The following TPD52L1 variants were observed in gnomAD, a reference collection of about 807,000 sequenced individuals.
TPD52L1 encodes TPD52 like 1.
A neutral mutation model predicts 28.7 loss-of-function variants in TPD52L1; 18 were observed. That is an observed-to-expected ratio of 0.63 (90% CI 0.43 to 0.93). TPD52L1 has a LOEUF of 0.93. Among genes scored for constraint, TPD52L1 ranks in the 40% least tolerant of loss-of-function variants. TPD52L1 has a pLI of 0.00. For missense variants in TPD52L1, 203 were observed against 254.8 expected (o/e 0.80, Z 1.39); for synonymous variants, 75 against 88.8 (o/e 0.84, Z 0.88).
At chr6:125,162,180 C>G (rs1427266355) in intron 1 of TPD52L1, among the ~76,000 whole-genome samples, 3 of 151,960 alleles carry the variant, frequency 2.0e-5, no homozygotes, top group African/African-American at 7.3e-5. Flanking sequence ...GTTTTGTTTC[C>G]TGTTTAAGTA....
chr6:125,228,696 G>T (rs934901712), intron 2 of TPD52L1, among the ~76,000 whole-genome samples: 6 of 152,040 alleles, frequency 3.9e-5, no homozygotes, highest in African/African-American at 1.4e-4. Context: ...TAAATAAAGT[G>T]GCACTTGAGA....
chr6:125,248,310 C>T lies in TPD52L1; in HGVS notation c.313C>T (p.His105Tyr). The change falls in exon 4 of 7, where the codon CAC (histidine) becomes TAC (tyrosine). Residue 105 changes from histidine (H) to tyrosine (Y), a missense_variant. Coordinates refer to ENST00000534000, the MANE Select transcript of TPD52L1 (RefSeq NM_003287.4). ...CAAGAAAACACATGAAACCCTGAGT[C>T]ACGCAGGGCAAAAGGCAACTGCAGC... ...AYKKTHETLS[H>Y]AGQKATAAFS... 1 of 1,614,068 alleles carries T rather than the reference C, an allele frequency of 6.2e-7. No homozygotes were observed. Among genetic ancestry groups the T allele is most frequent in the Non-Finnish European group, 8.5e-7 (1 of 1,179,966 alleles).
At position 125,156,711 on chromosome 6, in the gene TPD52L1, G is replaced by A. The variant is rs527937621; in HGVS notation, c.19+2741G>A. ...CTGAGCCCAGCAGGTGGAGGCAGCCGTGAGCTGTGATTACATCACTGCACC... is the reference window on the plus strand; with the variant it reads ...CTGAGCCCAGCAGGTGGAGGCAGCCATGAGCTGTGATTACATCACTGCACC... On this transcript the variant is annotated intron_variant, in intron 1 of 6. Transcript: ENST00000534000. Among the ~76,000 whole-genome samples, 383 of 152,234 alleles carry A rather than the reference G, an allele frequency of 2.5e-3. 3 individuals are homozygous for A. Among genetic ancestry groups the A allele is most frequent in the Non-Finnish European group, 4.8e-3 (326 of 68,008 alleles).
rs139805319 is a variant in TPD52L1 at position 125,201,964 on chromosome 6, A to G, written c.20-18114A>G. On this transcript the variant is annotated intron_variant, in intron 1 of 6. Coordinates refer to ENST00000534000, the MANE Select transcript of TPD52L1 (RefSeq NM_003287.4). ...AGATTTGATAAGAGACATTGAAGAA[A>G]TGTGAATGTTACTGAACCGATTTGC... Among the ~76,000 whole-genome samples the G allele has an allele frequency of 2.0e-5, 3 of 152,330 alleles. No individual in the cohort carries two copies. In the East Asian group the frequency reaches 5.8e-4, roughly 29 times the overall value.
chr6:125,220,020 G>C (rs1795129956), intron 1 of TPD52L1, 58 bp from the exon 2 acceptor site: 1 of 1,225,984 alleles, frequency 8.2e-7, no homozygotes, highest in East Asian at 2.3e-5. Flanking sequence ...TATGGAAGCA[G>C]AAGTTGGTTT....
At chr6:125,222,067 G>T (rs992881587) in intron 2 of TPD52L1, 8 of 152,200 alleles carry the variant, frequency 5.3e-5, no homozygotes, top group African/African-American at 1.9e-4. Context: ...GGCCACCTCT[G>T]CTTTATGCTC....
intron 1 of TPD52L1, among the ~76,000 whole-genome samples, chr6:125,168,182 T>C (rs1012478583): frequency 2.6e-5 from 4 of 152,150 alleles, no homozygotes; most frequent in African/African-American, 7.2e-5. Flanking sequence ...TACTATTAAA[T>C]ATGCTTGTTT....
At chr6:125,253,635 T>C (rs1257775961) in intron 4 of TPD52L1, 82 bp from the exon 5 acceptor site, 19 of 1,247,144 alleles carry the variant, frequency 1.5e-5, no homozygotes, top group Admixed American at 3.9e-5. Flanking sequence ...GTTTTAGAAC[T>C]ACGAATAGGG....
chr6:125,158,799 C>A (rs1434653078), intron 1 of TPD52L1, among the ~76,000 whole-genome samples: 1 of 152,128 alleles, frequency 6.6e-6, no homozygotes, highest in Non-Finnish European at 1.5e-5. Flanking sequence ...TTCCAGATCA[C>A]CCCAAAGAAG....
At chr6:125,241,950 T>G (rs1314473258) in intron 3 of TPD52L1, among the ~76,000 whole-genome samples, 1 of 152,066 alleles carries the variant, frequency 6.6e-6, no homozygotes, top group African/African-American at 2.4e-5. Flanking sequence ...CTTTTTGATG[T>G]AGTCATTTAA....
intron 1 of TPD52L1, among the ~76,000 whole-genome samples, chr6:125,202,551 T>TG (rs1296249028): frequency 6.6e-6 from 1 of 152,014 alleles, no homozygotes; most frequent in Non-Finnish European, 1.5e-5. Context: ...GGTCTATTTT[T>TG]GATGGTGTGA....
intron 1 of TPD52L1, among the ~76,000 whole-genome samples, chr6:125,188,853 C>A (rs1176902767): frequency 1.2e-4 from 19 of 152,148 alleles, no homozygotes; most frequent in Admixed American, 1.2e-3. Flanking sequence ...CAAATACAGA[C>A]CTAGGCATGT....
intron 1 of TPD52L1, among the ~76,000 whole-genome samples, chr6:125,201,602 A>G (rs1377831734): frequency 2.0e-5 from 3 of 152,176 alleles, no homozygotes; most frequent in Non-Finnish European, 4.4e-5. Flanking sequence ...TAAAGGATCC[A>G]TTTTTTCACA....
chr6:125,190,060 A>G (rs1439767826), intron 1 of TPD52L1, among the ~76,000 whole-genome samples: 2 of 152,166 alleles, frequency 1.3e-5, no homozygotes, highest in African/African-American at 4.8e-5. Context: ...AAGTATAGAT[A>G]TAGCTATCTG....
At chr6:125,188,332 CTG>C (rs911039788) in intron 1 of TPD52L1, among the ~76,000 whole-genome samples, 2 of 152,146 alleles carry the variant, frequency 1.3e-5, no homozygotes, top group Non-Finnish European at 2.9e-5. Flanking sequence ...CCTCCCACAG[CTG>C]TGTTCTTAGT....
intron 4 of TPD52L1, chr6:125,251,905 A>G (rs1262805534): frequency 1.0e-6 from 1 of 986,320 alleles, no homozygotes; most frequent in African/African-American, 1.6e-5. Flanking sequence ...AAATGAAGCT[A>G]CCCTGTCTGT....
chr6:125,205,234 A>G (rs1324252871), intron 1 of TPD52L1, among the ~76,000 whole-genome samples: 1 of 152,220 alleles, frequency 6.6e-6, no homozygotes, highest in Non-Finnish European at 1.5e-5. Flanking sequence ...GCCTTGGAAT[A>G]TGATATGTCT....
intron 1 of TPD52L1, among the ~76,000 whole-genome samples, chr6:125,167,654 G>T (rs35952361): frequency 1.3e-5 from 2 of 152,084 alleles, no homozygotes; most frequent in East Asian, 3.9e-4. Flanking sequence ...GAAAATATGA[G>T]GGTGCTATTC....
chr6:125,236,783 C>T (rs762847008), intron 3 of TPD52L1, among the ~76,000 whole-genome samples: 2 of 152,146 alleles, frequency 1.3e-5, no homozygotes, highest in Non-Finnish European at 2.9e-5. Context: ...CTCCACCCTT[C>T]CCTGGTTTCC....
Sources: gnomAD v4.1 joint callset for allele counts (sites outside exome capture counted in the v4.1 genomes callset) on GRCh38, gnomAD v4.1.1 for gene constraint, MANE v1.5 for transcripts, NCBI Gene and HGNC (gene_info 2026-07-23, HGNC 2026-07-21) for gene names.